The following MLIP variants were observed in gnomAD, a reference collection of about 807,000 sequenced individuals.
MLIP encodes muscular LMNA interacting protein.
A neutral mutation model predicts 84.8 loss-of-function variants in MLIP; 79 were observed. The ratio of observed to expected loss-of-function variants is 0.93; its 90% CI spans 0.78 to 1.12. The LOEUF is 1.12. MLIP is among the 50% of genes most tolerant of loss of function. The probability of loss-of-function intolerance (pLI) is 0.00; values close to 1 mark genes in which losing one functional copy is unlikely to be tolerated. For synonymous variants in MLIP, 504 were observed against 463.0 expected (o/e 1.09, Z -1.14); for missense variants, 1,257 against 1,160.6 (o/e 1.08, Z -1.21).
In MLIP at chr6:54,266,085, A is replaced by G. The variant is rs1282053882; in HGVS notation, c.*130A>G. On this transcript the variant is annotated 3_prime_UTR_variant, in exon 14 of 14. Coordinates refer to ENST00000502396, the MANE Select transcript of MLIP (RefSeq NM_001281747.2). ...CCCTTTATGAGCTGCAGTGCAGCAGAACCAAAAAAAAAGTTTGCTGCAATT... is the reference window on the plus strand; with the variant it reads ...CCCTTTATGAGCTGCAGTGCAGCAGGACCAAAAAAAAAGTTTGCTGCAATT... 4 of 883,564 alleles carry G rather than the reference A, an allele frequency of 4.5e-6. No homozygotes were observed. The highest frequency in any genetic ancestry group is 7.1e-6 in the Non-Finnish European group (4 of 561,848). The allele number at this position is 883,564 out of a possible 1,614,324, so 54.7% of individuals were successfully genotyped here.
At chr6:54,217,101 A>T in intron 11 of MLIP, 1 of 985,472 alleles carries the variant, frequency 1.0e-6, no homozygotes, top group Non-Finnish European at 1.2e-6. Flanking sequence ...AGGTGGGAAG[A>T]TGGAAGACAG....
At chr6:54,256,727 G>A (rs188981629) in intron 12 of MLIP, among the ~76,000 whole-genome samples, 29 of 152,224 alleles carry the variant, frequency 1.9e-4, no homozygotes, top group Admixed American at 3.9e-4. Flanking sequence ...TTCTGTTAAA[G>A]TGTCTCTATG....
intron 1 of MLIP, among the ~76,000 whole-genome samples, chr6:54,054,152 A>C (rs757456884): frequency 2.0e-4 from 30 of 152,210 alleles, no homozygotes; most frequent in Admixed American, 3.3e-4. Context: ...CCCATTAAAA[A>C]GGCTCTCTTG....
Position 54,121,424 on chromosome 6 carries a change from CTAAT to C in MLIP, c.97-19_97-16del, listed in dbSNP as rs1423725597. 10 of 1,610,742 alleles carry C rather than the reference CTAAT, an allele frequency of 6.2e-6. No homozygotes were observed. The highest frequency in any genetic ancestry group is 3.4e-5 in the Admixed American group (2 of 59,178). ...ATAAACCTTTGACAAGGCTGAAAGT[CTAAT>C]TAACTACATGTCTCATAGGTCTCTG... is the stretch of plus-strand genomic sequence containing the variant. On this transcript the variant is annotated intron_variant, in intron 1 of 13. Transcript: ENST00000502396.
At chr6:54,104,374 TA>T (rs1191654985) in intron 1 of MLIP, among the ~76,000 whole-genome samples, 1 of 152,208 alleles carries the variant, frequency 6.6e-6, no homozygotes, top group Non-Finnish European at 1.5e-5. Flanking sequence ...ATGATATATG[TA>T]AAAATGGTTC....
chr6:54,204,459 TC>T (rs1210759290), intron 11 of MLIP, among the ~76,000 whole-genome samples: 7 of 152,172 alleles, frequency 4.6e-5, no homozygotes, highest in South Asian at 2.1e-4. Flanking sequence ...TATATGAAAA[TC>T]AAACCACTAA....
intron 11 of MLIP, chr6:54,215,188 C>T (rs1298654422): frequency 7.8e-6 from 12 of 1,535,364 alleles, no homozygotes; most frequent in Non-Finnish European, 1.0e-5. Context: ...CACGTCTGGT[C>T]CTTGGCTCCT....
chr6:54,185,952 A>G (rs1271654037), intron 9 of MLIP, among the ~76,000 whole-genome samples: 2 of 152,200 alleles, frequency 1.3e-5, no homozygotes, highest in East Asian at 1.9e-4. Context: ...GCCCACAGCA[A>G]TTAGAGAAGC....
At chr6:54,210,007 C>A (rs1161194450) in intron 11 of MLIP, among the ~76,000 whole-genome samples, 2 of 48,872 alleles carry the variant, frequency 4.1e-5, no homozygotes, top group East Asian at 5.4e-3. Context: ...AAAAAATTAA[C>A]TATACAGTTA....
intron 9 of MLIP, among the ~76,000 whole-genome samples, chr6:54,181,859 T>C (rs1440631161): frequency 2.6e-5 from 4 of 152,180 alleles, no homozygotes; most frequent in African/African-American, 7.2e-5. Context: ...CTCTATCCAA[T>C]TGTGGATGAG....
chr6:54,110,751 G>T (rs1255183332), upstream of MLIP, among the ~76,000 whole-genome samples: 1 of 152,206 alleles, frequency 6.6e-6, no homozygotes, highest in Admixed American at 6.5e-5. Flanking sequence ...GAAAATAGAA[G>T]TACTGAAAGC....
intron 1 of MLIP, among the ~76,000 whole-genome samples, chr6:54,088,815 T>C (rs1282881959): frequency 1.3e-5 from 2 of 152,192 alleles, no homozygotes; most frequent in African/African-American, 4.8e-5. Flanking sequence ...ATTATACATT[T>C]GTCCACCAGC....
At chr6:54,051,026 C>T (rs574867286) in intron 1 of MLIP, among the ~76,000 whole-genome samples, 8 of 152,174 alleles carry the variant, frequency 5.3e-5, no homozygotes, top group Middle Eastern at 3.4e-3. Flanking sequence ...AACAATAAAA[C>T]TAGCTCAAGG....
chr6:54,024,688 G>A (rs753651009), intron 1 of MLIP, among the ~76,000 whole-genome samples: 10 of 152,038 alleles, frequency 6.6e-5, no homozygotes, highest in Admixed American at 2.6e-4. Context: ...GGTTTTAGCC[G>A]CTCAGAAACA....
chr6:54,167,984 A>G (rs1775370489), intron 8 of MLIP, among the ~76,000 whole-genome samples: 1 of 151,880 alleles, frequency 6.6e-6, no homozygotes, highest in Non-Finnish European at 1.5e-5. Context: ...GGGCAAAAGC[A>G]GTTCTGAAAT....
chr6:54,110,013 C>T (rs188399011), upstream of MLIP, among the ~76,000 whole-genome samples: 77 of 103,494 alleles, frequency 7.4e-4, no homozygotes, highest in African/African-American at 2.4e-3. Context: ...GACGGAGTCT[C>T]GCTGTGTCGC....
chr6:54,175,485 T>A (rs1776192424), intron 9 of MLIP, among the ~76,000 whole-genome samples: 1 of 152,008 alleles, frequency 6.6e-6, no homozygotes, highest in Non-Finnish European at 1.5e-5. Flanking sequence ...AATTCCTAGG[T>A]TATTGCTTTT....
chr6:54,019,185 C>T (rs575631124), intron 1 of MLIP: 686 of 1,288,582 alleles, frequency 5.3e-4, no homozygotes, highest in Non-Finnish European at 7.2e-4. Context: ...GCTAGCCGGC[C>T]TCTGTTTCCA....
intron 10 of MLIP, among the ~76,000 whole-genome samples, chr6:54,190,568 ATTT>A (rs1777809666): frequency 6.6e-6 from 1 of 152,160 alleles, no homozygotes; most frequent in Non-Finnish European, 1.5e-5. Context: ...ACTATTGCAT[ATTT>A]TACATTTACA....
Sources: allele counts gnomAD v4.1 joint callset (sites outside exome capture counted in the v4.1 genomes callset), GRCh38; gene constraint gnomAD v4.1.1; transcripts MANE v1.5; gene names NCBI Gene and HGNC (gene_info 2026-07-23, HGNC 2026-07-21).